FIP1L1: variants seen among roughly 807,000 people sequenced by gnomAD.
FIP1L1 encodes pre-mRNA 3'-end-processing factor FIP1.
FIP1L1 carries 21 observed loss-of-function variants against 84.6 expected under a neutral mutation model. The observed-to-expected ratio is 0.25, with a 90% confidence interval of 0.18 to 0.36. The LOEUF is 0.36. FIP1L1 is among the 10% of genes least tolerant of loss of function. The pLI, the probability that FIP1L1 is intolerant of heterozygous loss-of-function variation, is 1.00. For synonymous variants in FIP1L1, 263 were observed against 242.3 expected (o/e 1.09, Z -0.80); for missense variants, 526 against 751.1 (o/e 0.70, Z 3.50).
chr4:53,399,752 A>C lies in FIP1L1; in HGVS notation c.728A>C (p.Asn243Thr), dbSNP rs1380371422. 2 of 1,613,336 alleles carry C rather than the reference A, an allele frequency of 1.2e-6. No individual in the cohort carries two copies. The highest frequency in any genetic ancestry group is 2.7e-5 in the African/African-American group (2 of 74,864). The change falls in exon 10 of 18, where the codon AAC becomes ACC. Residue 243 changes from asparagine (N) to threonine (T), a missense_variant. Physicochemically the swap from Asn to Thr is moderately conservative, Grantham distance 65. This residue lies in a region of FIP1L1 where 169 missense variants were observed against 206.9 expected (regional missense o/e 0.82). Transcript: ENST00000337488. ...LFKVQQGRTG[N>T]SEKETALPST... is the part of the protein sequence containing the mutation. ...AAGGTACAGCAGGGAAGAACTGGAA[A>C]CTCAGAGAAAGAAACTGCCCTTCCA...
At chr4:53,392,603 TAATG>T (rs1744855907) in intron 9 of FIP1L1, among the ~76,000 whole-genome samples, 3 of 152,226 alleles carry the variant, frequency 2.0e-5, no homozygotes, top group African/African-American at 7.2e-5. Context: ...AAAGTTGTCT[TAATG>T]AACTAGTTCA....
intron 5 of FIP1L1, among the ~76,000 whole-genome samples, chr4:53,387,651 G>C (rs1199493144): frequency 6.6e-6 from 1 of 152,204 alleles, no homozygotes; most frequent in Non-Finnish European, 1.5e-5. Context: ...GCAGAATGGG[G>C]AATAGAAAGT....
chr4:53,433,168 T>A (rs1220570223), intron 13 of FIP1L1, among the ~76,000 whole-genome samples: 1 of 152,228 alleles, frequency 6.6e-6, no homozygotes, highest in Non-Finnish European at 1.5e-5. Context: ...TTTTAGCCAT[T>A]TATAAATATG....
At chr4:53,418,159 T>G (rs1760656227) in intron 11 of FIP1L1, among the ~76,000 whole-genome samples, 1 of 151,814 alleles carries the variant, frequency 6.6e-6, no homozygotes, top group African/African-American at 2.4e-5. Context: ...CATGGTTGTG[T>G]GCACCTGTGG....
At chr4:53,378,862 T>A in intron 1 of FIP1L1, 1 of 559,562 alleles carries the variant, frequency 1.8e-6, no homozygotes, top group Non-Finnish European at 3.1e-6. Flanking sequence ...GATAAACTTG[T>A]AAAAAAAAAT....
At position 53,414,684 on chromosome 4, in the gene FIP1L1, G is replaced by A; in HGVS notation, c.885G>A (p.Trp295Ter). ...SRKANSSVGK[W>*]QDRYGRAESP... Reference sequence around the variant, plus strand: ...AAGCCAATTCAAGCGTTGGGAAGTGGCAGGATCGATATGGGAGGGCCGAAT... The same window carrying A: ...AAGCCAATTCAAGCGTTGGGAAGTGACAGGATCGATATGGGAGGGCCGAAT... Residue 295 changes from tryptophan (W) to a stop codon, truncating the protein, a stop_gained, in exon 11 of 18, where the codon TGG becomes TGA. Coordinates refer to ENST00000337488, the MANE Select transcript of FIP1L1 (RefSeq NM_030917.4). LOFTEE classifies it high-confidence loss of function. 1.9e-6 allele frequency: 3 copies of A among 1,613,338 alleles called. No homozygotes were observed. Among genetic ancestry groups the A allele is most frequent in the Non-Finnish European group, 1.7e-6 (2 of 1,179,480 alleles).
At chr4:53,387,676 C>T (rs574507663) in intron 5 of FIP1L1, among the ~76,000 whole-genome samples, 7 of 152,170 alleles carry the variant, frequency 4.6e-5, no homozygotes, top group Admixed American at 4.6e-4. Flanking sequence ...AGGTGGAAAG[C>T]GAAGAAGCTC....
chr4:53,394,869 GT>G (rs1239183070), intron 9 of FIP1L1, among the ~76,000 whole-genome samples: 1 of 150,622 alleles, frequency 6.6e-6, no homozygotes, highest in Admixed American at 6.6e-5. Flanking sequence ...CTTAACAAGG[GT>G]TTTTTTTTAA....
intron 5 of FIP1L1, among the ~76,000 whole-genome samples, chr4:53,387,180 A>T (rs1388507012): frequency 6.6e-6 from 1 of 152,202 alleles, no homozygotes; most frequent in Non-Finnish European, 1.5e-5. Flanking sequence ...AAACAGAAAT[A>T]TAGTCAGGCA....
chr4:53,377,668 A>C lies in FIP1L1; in HGVS notation c.-171A>C. 1 of 588,784 alleles carries C rather than the reference A, an allele frequency of 1.7e-6. No homozygotes were observed. Among genetic ancestry groups the C allele is most frequent in the Non-Finnish European group, 2.9e-6 (1 of 348,152 alleles). The allele number at this position is 588,784 out of a possible 1,614,324, so 36.5% of individuals were successfully genotyped here. A position where few individuals can be genotyped will look rare whatever the true frequency, so the allele number is the denominator to read the frequency against. The stretch of plus-strand genomic sequence containing the variant: ...GCATGCGCAGACGGACCTGCGCTGG[A>C]GGCTTCATCTTTGCCGCCGCTGCCG... On this transcript the variant is annotated 5_prime_UTR_variant, in exon 1 of 18. Transcript: ENST00000337488.
chr4:53,450,322 G>A (rs1436384207), intron 15 of FIP1L1, among the ~76,000 whole-genome samples: 2 of 152,116 alleles, frequency 1.3e-5, no homozygotes, highest in Non-Finnish European at 2.9e-5. Flanking sequence ...ATTTGAAATG[G>A]TTAGGTATTA....
chr4:53,447,097 G>T (rs1458735327), intron 15 of FIP1L1, among the ~76,000 whole-genome samples: 1 of 151,948 alleles, frequency 6.6e-6, no homozygotes. Context: ...TTCTTTGTTG[G>T]TGATTTCTGT....
intron 16 of FIP1L1, among the ~76,000 whole-genome samples, chr4:53,457,382 GAA>G (rs1210563966): frequency 6.6e-6 from 1 of 151,840 alleles, no homozygotes; most frequent in East Asian, 1.9e-4. Context: ...TTTATGGGTA[GAA>G]AAAAATAGTG....
At chr4:53,414,528 A>C in intron 10 of FIP1L1, 87 bp from the exon 11 acceptor site, 1 of 767,166 alleles carries the variant, frequency 1.3e-6, no homozygotes, top group Non-Finnish European at 2.1e-6. Context: ...CTTTAGAAAA[A>C]GCATGTCAAG....
Position 53,408,197 on chromosome 4 carries a change from C to G in FIP1L1, c.816-6418C>G, listed in dbSNP as rs1164535261. 5.9e-5 allele frequency among the ~76,000 whole-genome samples: 9 copies of G among 152,254 alleles called. No homozygotes were observed. The East Asian group carries it at 1.7e-3, about 29-fold the overall frequency. On this transcript the variant is annotated intron_variant, in intron 10 of 17. Transcript: ENST00000337488. ...TCTTTTAGGGCAGGCCTGGTGGTGA[C>G]AAAATCTCTCAGCATTTGCTTGTCT...
Position 53,459,323 on chromosome 4 carries a change from A to G in FIP1L1, c.1659A>G (p.Glu553=), listed in dbSNP as rs750619092. 5 of 1,597,636 alleles carry G rather than the reference A, an allele frequency of 3.1e-6. No individual in the cohort carries two copies. The highest frequency in any genetic ancestry group is 2.6e-6 in the Non-Finnish European group (3 of 1,172,616). The part of the protein sequence containing the change: ...SSRSNSRRRH[E]SEEGDSHRRH... ...CCAGTAATAGTAGACGTCGCCATGA[A>G]AGTGAAGAAGGAGATAGTCACAGGA... The change falls in exon 18 of 18, where the codon GAA becomes GAG. Residue 553 remains glutamate (E), a synonymous_variant. Transcript: ENST00000337488.
chr4:53,389,920 A>ATCTTAAATT (rs1299336332), intron 6 of FIP1L1, 47 bp downstream of exon 6: 2 of 1,424,058 alleles, frequency 1.4e-6, no homozygotes, highest in Non-Finnish European at 1.9e-6. Flanking sequence ...TAAGGCACAT[A>ATCTTAAATT]TCTTAAATAG....
intron 13 of FIP1L1, 195 bp from the exon 14 acceptor site, chr4:53,442,458 A>G (rs1030965318): frequency 3.7e-6 from 2 of 545,746 alleles, no homozygotes; most frequent in Admixed American, 6.7e-5. Context: ...ATTAGACCAG[A>G]CTGCTTACTT....
At chr4:53,427,345 A>T (rs555981970) in intron 12 of FIP1L1, among the ~76,000 whole-genome samples, 2 of 152,288 alleles carry the variant, frequency 1.3e-5, no homozygotes, top group South Asian at 2.1e-4. Context: ...TTGAGGTGCC[A>T]CTTTGCTTGT....
Sources: allele counts gnomAD v4.1 joint callset (sites outside exome capture counted in the v4.1 genomes callset), GRCh38; gene constraint gnomAD v4.1.1; regional missense constraint gnomAD v4.1.1; transcripts MANE v1.5; gene names NCBI Gene and HGNC (gene_info 2026-07-23, HGNC 2026-07-21).